SPAG17: variants seen among roughly 807,000 people sequenced by gnomAD.
SPAG17 encodes sperm-associated antigen 17.
In SPAG17, 169 loss-of-function variants were observed where a neutral mutation model predicts 273.6. The observed-to-expected ratio is 0.62, with a 90% CI of 0.55 to 0.70. The LOEUF is 0.70. SPAG17 is among the 30% of genes least tolerant of loss of function. SPAG17 has a pLI of 0.00. For missense variants in SPAG17, 2,557 were observed against 2,627.8 expected (o/e 0.97, Z 0.59); for synonymous variants, 825 against 873.2 (o/e 0.94, Z 0.97).
At chr1:118,001,149 G>C (rs1321124025) in intron 32 of SPAG17, among the ~76,000 whole-genome samples, 3 of 152,166 alleles carry the variant, frequency 2.0e-5, no homozygotes, top group Non-Finnish European at 4.4e-5. Flanking sequence ...TGTTGAACCA[G>C]CCTTGCATCC....
intron 3 of SPAG17, among the ~76,000 whole-genome samples, chr1:118,148,447 C>T (rs1047000338): frequency 6.6e-6 from 1 of 152,304 alleles, no homozygotes; most frequent in East Asian, 1.9e-4. Context: ...CTTATTTGGC[C>T]CTGCCCACAT....
chr1:117,978,025 T>C (rs1199895521), intron 43 of SPAG17, among the ~76,000 whole-genome samples: 1 of 152,212 alleles, frequency 6.6e-6, no homozygotes, highest in Non-Finnish European at 1.5e-5. Context: ...CCAACCCCGA[T>C]CATTTTACCA....
intron 3 of SPAG17, among the ~76,000 whole-genome samples, chr1:118,148,851 A>C (rs535097853): frequency 2.0e-5 from 3 of 152,148 alleles, no homozygotes; most frequent in African/African-American, 7.2e-5. Context: ...GTGACTTTTC[A>C]ATTGTCTTGG....
chr1:118,098,340 C>A (rs1655847982), intron 6 of SPAG17, among the ~76,000 whole-genome samples: 1 of 152,006 alleles, frequency 6.6e-6, no homozygotes, highest in South Asian at 2.1e-4. Flanking sequence ...TAGCAATAGG[C>A]TTCTCTGGGT....
At chr1:118,091,796 C>A in intron 9 of SPAG17, 78 bp from the exon 10 acceptor site, 3 of 1,332,356 alleles carry the variant, frequency 2.3e-6, no homozygotes, top group Non-Finnish European at 3.2e-6. Context: ...TGCATAATTT[C>A]AAACTATGAC....
chr1:118,071,623 C>T (rs933795961), intron 17 of SPAG17, among the ~76,000 whole-genome samples: 5 of 151,276 alleles, frequency 3.3e-5, no homozygotes, highest in East Asian at 1.9e-4. Flanking sequence ...CCAGGCTGGG[C>T]GACACAGCGA....
chr1:118,017,475 G>C (rs1660088994), intron 28 of SPAG17, among the ~76,000 whole-genome samples: 1 of 152,058 alleles, frequency 6.6e-6, no homozygotes, highest in African/African-American at 2.4e-5. Flanking sequence ...GAAGGGACAG[G>C]AGAGGCAGGC....
intron 3 of SPAG17, among the ~76,000 whole-genome samples, chr1:118,129,869 T>G (rs1435379136): frequency 6.6e-6 from 1 of 152,022 alleles, no homozygotes; most frequent in Non-Finnish European, 1.5e-5. Context: ...GCTGCCCCTT[T>G]CAGAGGACAG....
At chr1:118,148,484 C>T (rs574863279) in intron 3 of SPAG17, among the ~76,000 whole-genome samples, 4 of 152,174 alleles carry the variant, frequency 2.6e-5, no homozygotes, top group South Asian at 4.2e-4. Flanking sequence ...CTTTACAGAG[C>T]GCTGATTGGT....
chr1:117,992,767 G>A, intron 35 of SPAG17, 119 bp from the exon 36 acceptor site: 1 of 893,062 alleles, frequency 1.1e-6, no homozygotes, highest in Non-Finnish European at 1.6e-6. Flanking sequence ...GGACACAGTG[G>A]TGAAAAAAAA....
At chr1:117,996,290 C>T (rs898293462) in intron 34 of SPAG17, 80 bp downstream of exon 34, 1 of 1,462,078 alleles carries the variant, frequency 6.8e-7, no homozygotes, top group Non-Finnish European at 9.1e-7. Flanking sequence ...AGTAAGATGA[C>T]ATGAAGATAG....
chr1:118,029,128 T>A (rs183043034), intron 25 of SPAG17, among the ~76,000 whole-genome samples: 106 of 152,208 alleles, frequency 7.0e-4, no homozygotes, highest in Admixed American at 1.4e-3. Context: ...TACATGCCTG[T>A]GGTCCCAGCT....
intron 26 of SPAG17, among the ~76,000 whole-genome samples, chr1:118,027,336 G>C (rs545399687): frequency 6.6e-6 from 1 of 152,246 alleles, no homozygotes; most frequent in East Asian, 1.9e-4. Flanking sequence ...TTTTGCGGGG[G>C]AGGGAGCTGG....
chr1:118,062,251 C>T (rs990848579), intron 18 of SPAG17, among the ~76,000 whole-genome samples: 7 of 149,038 alleles, frequency 4.7e-5, no homozygotes. Flanking sequence ...CCTGTAGTCC[C>T]AGCTACTTGG....
intron 28 of SPAG17, 34 bp from the exon 29 acceptor site, chr1:118,016,216 T>C (rs774147841): frequency 8.6e-6 from 13 of 1,515,590 alleles, no homozygotes; most frequent in Non-Finnish European, 1.2e-5. Flanking sequence ...ACAACAACAA[T>C]ATAACTATAG....
In SPAG17 at chr1:118,158,529, C is replaced by A. The variant is rs566587347; in HGVS notation, c.88-7160G>T. ...TCTGATCAATTTTGGGCATCAAGGT[C>A]TAAAACATGGATGTCATGCAGCGCT... On this transcript the variant is annotated intron_variant, in intron 1 of 48. Coordinates refer to ENST00000336338, the MANE Select transcript of SPAG17 (RefSeq NM_206996.4). Among the ~76,000 whole-genome samples the A allele has an allele frequency of 3.9e-5, 6 of 152,240 alleles. No individual in the cohort carries two copies. The East Asian group carries it at 1.2e-3, about 29-fold the overall frequency.
chr1:118,117,025 G>T (rs1441888334), intron 3 of SPAG17, among the ~76,000 whole-genome samples: 2 of 152,204 alleles, frequency 1.3e-5, no homozygotes, highest in Non-Finnish European at 2.9e-5. Flanking sequence ...GGCGTTTACT[G>T]TAAAGTGAAA....
At chr1:118,083,476 A>T (rs1316229413) in intron 13 of SPAG17, among the ~76,000 whole-genome samples, 1 of 151,980 alleles carries the variant, frequency 6.6e-6, no homozygotes, top group Non-Finnish European at 1.5e-5. Context: ...GGTGGGATTG[A>T]TTGCAGTGTG....
intron 44 of SPAG17, among the ~76,000 whole-genome samples, chr1:117,972,709 G>T (rs1377930231): frequency 6.6e-6 from 1 of 151,886 alleles, no homozygotes; most frequent in African/African-American, 2.4e-5. Context: ...TTTATATATT[G>T]TCAGTTATAT....
Sources: allele counts gnomAD v4.1 joint callset (sites outside exome capture counted in the v4.1 genomes callset), GRCh38; gene constraint gnomAD v4.1.1; transcripts MANE v1.5; gene names NCBI Gene and HGNC (gene_info 2026-07-23, HGNC 2026-07-21).